The following METTL8 variants were observed in gnomAD, a reference collection of about 807,000 sequenced individuals.
METTL8 encodes tRNA N(3)-cytidine methyltransferase METTL8, mitochondrial.
METTL8 carries 32 observed loss-of-function variants against 48.7 expected under a neutral mutation model. That is an observed-to-expected ratio of 0.66 (90% CI 0.50 to 0.88). METTL8 has a LOEUF of 0.88. METTL8 is among the 40% of genes least tolerant of loss of function. The pLI is 0.00. For missense variants in METTL8, 464 were observed against 474.4 expected (o/e 0.98, Z 0.20); for synonymous variants, 136 against 157.1 (o/e 0.87, Z 1.01).
chr2:171,359,487 A>G (rs552553734), intron 3 of METTL8, among the ~76,000 whole-genome samples: 58 of 152,310 alleles, frequency 3.8e-4, no homozygotes, highest in African/African-American at 1.3e-3. Context: ...TAGAACTACC[A>G]TATCATCCAC....
chr2:171,401,256 C>CTA (rs1262835513), intron 1 of METTL8, among the ~76,000 whole-genome samples: 1 of 152,114 alleles, frequency 6.6e-6, no homozygotes, highest in East Asian at 1.9e-4. Context: ...ACTTAAGTAT[C>CTA]AACTACACTG....
At chr2:171,415,274 G>T (rs945809641) in intron 1 of METTL8, among the ~76,000 whole-genome samples, 1 of 150,466 alleles carries the variant, frequency 6.6e-6, no homozygotes, top group African/African-American at 2.4e-5. Flanking sequence ...AAGTCTAGTA[G>T]AATTTATAGC....
rs147750852 is a variant in METTL8, at chr2:171,324,424, G to A, written c.1034-62C>T. ...TGACTAGAGATGGGGGAGGTCAGGA[G>A]TAGAACACTGATGGAATAACTGACC... On this transcript the variant is annotated intron_variant, in intron 9 of 9. Coordinates refer to ENST00000375258, the MANE Select transcript of METTL8 (RefSeq NM_001321154.2). 1.5e-3 allele frequency: 2,063 copies of A among 1,351,754 alleles called. 27 individuals carry two copies. In the East Asian group the frequency reaches 0.029, roughly 19 times the overall value. The allele number at this position is 1,351,754 out of a possible 1,614,324, so 83.7% of individuals were successfully genotyped here.
chr2:171,407,339 G>C (rs557802294), intron 1 of METTL8, among the ~76,000 whole-genome samples: 139 of 151,938 alleles, frequency 9.1e-4, no homozygotes, highest in African/African-American at 3.2e-3. Flanking sequence ...CTCTAAAAGC[G>C]GGGGGGAAAT....
chr2:171,325,195 TG>T (rs1388007672), intron 9 of METTL8, among the ~76,000 whole-genome samples: 1 of 151,936 alleles, frequency 6.6e-6, no homozygotes, highest in Non-Finnish European at 1.5e-5. Flanking sequence ...GAAAATGTAT[TG>T]TTTTTTTAGA....
intron 3 of METTL8, among the ~76,000 whole-genome samples, chr2:171,343,308 A>G (rs1021021760): frequency 6.6e-6 from 1 of 152,020 alleles, no homozygotes; most frequent in Non-Finnish European, 1.5e-5. Flanking sequence ...GTGTGGTGGT[A>G]CATGCCTGTA....
intron 2 of METTL8, among the ~76,000 whole-genome samples, chr2:171,383,641 C>T (rs978041539): frequency 1.3e-5 from 2 of 152,084 alleles, no homozygotes; most frequent in Non-Finnish European, 1.5e-5. Flanking sequence ...TATAAATGGC[C>T]GAGATCCCTT....
chr2:171,372,845 G>T (rs1270753023), intron 2 of METTL8, among the ~76,000 whole-genome samples: 9 of 152,052 alleles, frequency 5.9e-5, no homozygotes, highest in Non-Finnish European at 1.2e-4. Context: ...AGTATTCCAT[G>T]GTGTATATAT....
intron 3 of METTL8, among the ~76,000 whole-genome samples, chr2:171,341,285 G>A (rs140480706): frequency 0.04 from 5,947 of 148,788 alleles, 163 homozygotes; most frequent in African/African-American, 0.07. Flanking sequence ...CCGAGATCAC[G>A]CCATTGCACT....
At chr2:171,434,137 C>G, upstream of METTL8, 1 of 344,520 alleles carries the variant, frequency 2.9e-6, no homozygotes, top group Non-Finnish European at 5.7e-6. Context: ...GCAGCCTCCG[C>G]GGGCCGGAGG....
At chr2:171,324,649 TTC>T (rs1684744202) in intron 9 of METTL8, among the ~76,000 whole-genome samples, 1 of 152,250 alleles carries the variant, frequency 6.6e-6, no homozygotes, top group African/African-American at 2.4e-5. Flanking sequence ...GGTGCTCCCT[TTC>T]TGAGTTTTTG....
intron 2 of METTL8, among the ~76,000 whole-genome samples, chr2:171,372,945 C>T (rs1215740041): frequency 1.3e-5 from 2 of 152,128 alleles, no homozygotes; most frequent in East Asian, 3.8e-4. Context: ...AATAAACATA[C>T]GTGTGCATGT....
At chr2:171,381,468 C>G (rs1188574349) in intron 2 of METTL8, among the ~76,000 whole-genome samples, 3 of 152,054 alleles carry the variant, frequency 2.0e-5, no homozygotes, top group Admixed American at 2.0e-4. Context: ...AGTGAACAGG[C>G]AACCTACAGA....
chr2:171,325,777 T>A (rs1684882050), intron 9 of METTL8, 64 bp downstream of exon 9: 5 of 973,672 alleles, frequency 5.1e-6, no homozygotes, highest in Non-Finnish European at 7.8e-6. Context: ...TGAGCTATAA[T>A]CAATGAGATA....
intron 2 of METTL8, among the ~76,000 whole-genome samples, chr2:171,378,794 C>T (rs181648279): frequency 3.3e-5 from 5 of 152,208 alleles, no homozygotes; most frequent in Non-Finnish European, 5.9e-5. Context: ...CTTAAACTGC[C>T]ACACAATAGT....
chr2:171,397,287 G>C (rs1015605531), intron 1 of METTL8, among the ~76,000 whole-genome samples: 1 of 147,724 alleles, frequency 6.8e-6, no homozygotes, highest in African/African-American at 2.5e-5. Flanking sequence ...GGAGGTCAAG[G>C]TGGGCAGATG....
At chr2:171,431,121 C>T (rs140935862) in intron 1 of METTL8, among the ~76,000 whole-genome samples, 11 of 152,294 alleles carry the variant, frequency 7.2e-5, no homozygotes, top group South Asian at 2.1e-4. Flanking sequence ...GTAAGGGAAG[C>T]GTCCCTGAAG....
chr2:171,375,565 G>A (rs993968297), intron 2 of METTL8, among the ~76,000 whole-genome samples: 1 of 152,096 alleles, frequency 6.6e-6, no homozygotes, highest in Non-Finnish European at 1.5e-5. Flanking sequence ...AATGACTAAT[G>A]ATATTCAGCA....
intron 2 of METTL8, among the ~76,000 whole-genome samples, chr2:171,377,664 T>C (rs1285713842): frequency 2.0e-5 from 3 of 151,880 alleles, no homozygotes; most frequent in Non-Finnish European, 2.9e-5. Context: ...ATCAAGGAAA[T>C]GCAAATGAAA....
Sources: allele counts gnomAD v4.1 joint callset (sites outside exome capture counted in the v4.1 genomes callset), GRCh38; gene constraint gnomAD v4.1.1; transcripts MANE v1.5; gene names NCBI Gene and HGNC (gene_info 2026-07-23, HGNC 2026-07-21).